Variants in LRMDA observed in about 807,000 individuals in gnomAD.
The protein encoded by LRMDA is leucine-rich melanocyte differentiation-associated protein.
A neutral mutation model predicts 29.8 loss-of-function variants in LRMDA; 18 were observed. That is an observed-to-expected ratio of 0.60 (90% CI 0.42 to 0.90). The LOEUF is 0.90. Ranked by LOEUF, LRMDA falls within the 40% of genes least tolerant of loss-of-function variation. The pLI is 0.00. For synonymous variants in LRMDA, 125 were observed against 109.4 expected, an observed-to-expected ratio of 1.14 and a Z score of -0.89; for missense variants, 273 against 273.9, an observed-to-expected ratio of 1.00 and a Z score of 0.02.
chr10:76,340,890 A>G (rs1841033881), intron 6 of LRMDA, among the ~76,000 whole-genome samples: 1 of 152,212 alleles, frequency 6.6e-6, no homozygotes, highest in African/African-American at 2.4e-5. Context: ...TAAGTATTTT[A>G]GGGATTGTAG....
intron 5 of LRMDA, among the ~76,000 whole-genome samples, chr10:76,071,720 C>G (rs887613954): frequency 6.6e-6 from 1 of 152,210 alleles, no homozygotes; most frequent in Non-Finnish European, 1.5e-5. Flanking sequence ...GCCAAACGCT[C>G]TCTTATGCAG....
chr10:75,922,266 G>A (rs1239613556), intron 2 of LRMDA, among the ~76,000 whole-genome samples: 1 of 152,166 alleles, frequency 6.6e-6, no homozygotes, highest in Non-Finnish European at 1.5e-5. Context: ...GCTTTCAATT[G>A]TTGCCACCTT....
At chr10:75,895,051 C>T (rs978232658) in intron 2 of LRMDA, among the ~76,000 whole-genome samples, 2 of 152,160 alleles carry the variant, frequency 1.3e-5, no homozygotes, top group Non-Finnish European at 2.9e-5. Context: ...AAAGGGACAG[C>T]TTTCAGAAGA....
chr10:76,165,391 T>A (rs1445598744), intron 5 of LRMDA, among the ~76,000 whole-genome samples: 2 of 152,084 alleles, frequency 1.3e-5, no homozygotes, highest in African/African-American at 4.8e-5. Flanking sequence ...CCTGCTTCAG[T>A]CTCCCAAGTA....
intron 6 of LRMDA, among the ~76,000 whole-genome samples, chr10:76,381,251 C>G (rs1483299874): frequency 6.6e-6 from 1 of 151,914 alleles, no homozygotes. Context: ...CAGTAATTCT[C>G]AAAACATTTG....
chr10:76,482,489 A>G (rs1004934725), intron 6 of LRMDA, among the ~76,000 whole-genome samples: 2 of 151,970 alleles, frequency 1.3e-5, no homozygotes, highest in Admixed American at 1.3e-4. Flanking sequence ...AATTATGTTT[A>G]TAAAATTCAT....
intron 2 of LRMDA, among the ~76,000 whole-genome samples, chr10:75,752,355 G>T (rs762879067): frequency 6.6e-6 from 1 of 151,838 alleles, no homozygotes; most frequent in Non-Finnish European, 1.5e-5. Context: ...GGGACTACAG[G>T]CGCCCGCCAC....
At position 76,432,527 on chromosome 10, in the gene LRMDA, G is replaced by T. The variant is rs112019556; in HGVS notation, c.601+108042G>T. Among the ~76,000 whole-genome samples the T allele has an allele frequency of 8.0e-3, 1,216 of 152,304 alleles. 13 individuals carry two copies. Among genetic ancestry groups the T allele is most frequent in the Middle Eastern group, 0.038 (11 of 292 alleles). On this transcript the variant is annotated intron_variant, in intron 6 of 6. Coordinates refer to ENST00000611255, the MANE Select transcript of LRMDA (RefSeq NM_001305581.2). Reference sequence around the variant, plus strand: ...CTTGTCAGAGGTGCAGGGGGAACAAGTGGTGACCCATCAGGGTGGAGCTAA... The same window carrying T: ...CTTGTCAGAGGTGCAGGGGGAACAATTGGTGACCCATCAGGGTGGAGCTAA...
chr10:75,522,842 A>C (rs1050756317), intron 2 of LRMDA, among the ~76,000 whole-genome samples: 2 of 152,226 alleles, frequency 1.3e-5, no homozygotes, highest in Non-Finnish European at 2.9e-5. Flanking sequence ...GATGCAGCTG[A>C]ATACATGACA....
chr10:76,366,218 A>G (rs1841390709), intron 6 of LRMDA, among the ~76,000 whole-genome samples: 1 of 152,198 alleles, frequency 6.6e-6, no homozygotes, highest in Non-Finnish European at 1.5e-5. Context: ...TGCTTTGGCT[A>G]TGCAGACTCT....
At chr10:76,154,144 A>G (rs77202993) in intron 5 of LRMDA, among the ~76,000 whole-genome samples, 3,646 of 152,204 alleles carry the variant, frequency 0.024, 54 homozygotes, top group South Asian at 0.044. Context: ...TTCTTTCTTG[A>G]TCATTGGATT....
chr10:76,490,414 T>TCA (rs941962042), intron 6 of LRMDA, among the ~76,000 whole-genome samples: 10 of 152,086 alleles, frequency 6.6e-5, no homozygotes, highest in Middle Eastern at 3.4e-3. Context: ...TCTCTCTCTC[T>TCA]CTCTCTCTCT....
intron 5 of LRMDA, among the ~76,000 whole-genome samples, chr10:76,176,082 T>G (rs2132200426): frequency 6.6e-6 from 1 of 152,312 alleles, no homozygotes; most frequent in Admixed American, 6.5e-5. Flanking sequence ...TTGCCATTCA[T>G]AGACTCTTGC....
intron 2 of LRMDA, among the ~76,000 whole-genome samples, chr10:75,744,930 C>T (rs1435345684): frequency 7.9e-5 from 12 of 152,218 alleles, no homozygotes; most frequent in Non-Finnish European, 1.8e-4. Context: ...TGCCAGCGTA[C>T]TTTCTGTCAC....
intron 2 of LRMDA, among the ~76,000 whole-genome samples, chr10:75,521,281 C>T (rs1845354238): frequency 6.6e-6 from 1 of 152,230 alleles, no homozygotes; most frequent in Non-Finnish European, 1.5e-5. Flanking sequence ...GAAGTTTCTG[C>T]TGCCTTTTGT....
chr10:76,090,461 T>C (rs944701776), intron 5 of LRMDA, among the ~76,000 whole-genome samples: 1 of 152,218 alleles, frequency 6.6e-6, no homozygotes, highest in Admixed American at 6.5e-5. Flanking sequence ...TGGAATAGTA[T>C]GGTGGTTCCT....
intron 5 of LRMDA, among the ~76,000 whole-genome samples, chr10:76,262,130 C>A (rs528321668): frequency 6.6e-6 from 1 of 151,956 alleles, no homozygotes; most frequent in Non-Finnish European, 1.5e-5. Flanking sequence ...TCCCAGCTAC[C>A]CAGGAGGTGG....
At chr10:76,391,718 C>T (rs1056532195) in intron 6 of LRMDA, among the ~76,000 whole-genome samples, 2 of 152,118 alleles carry the variant, frequency 1.3e-5, no homozygotes, top group Non-Finnish European at 2.9e-5. Context: ...TTTCTTTAAT[C>T]AAAATAATGA....
intron 2 of LRMDA, among the ~76,000 whole-genome samples, chr10:75,746,045 G>T (rs1842886611): frequency 6.6e-6 from 1 of 152,206 alleles, no homozygotes; most frequent in African/African-American, 2.4e-5. Flanking sequence ...TGTTTGGGAG[G>T]TTTCTGCACT....
Sources: allele counts gnomAD v4.1 joint callset (sites outside exome capture counted in the v4.1 genomes callset), GRCh38; gene constraint gnomAD v4.1.1; transcripts MANE v1.5; gene names NCBI Gene and HGNC (gene_info 2026-07-23, HGNC 2026-07-21).